The following ETV5 variants were observed in gnomAD, a reference collection of about 807,000 sequenced individuals.
ETV5 encodes ETS translocation variant 5.
A neutral mutation model predicts 70.0 loss-of-function variants in ETV5; 10 were observed. That is an observed-to-expected ratio of 0.14 (90% CI 0.09 to 0.24). The LOEUF is 0.24. ETV5 is among the 10% of genes least tolerant of loss of function. ETV5 has a pLI of 1.00. For missense variants in ETV5, 453 were observed against 651.2 expected (o/e 0.70, Z 3.31); for synonymous variants, 216 against 242.2 (o/e 0.89, Z 1.01).
chr3:186,064,565 C>A, intron 8 of ETV5, 89 bp from the exon 9 acceptor site: 1 of 1,301,536 alleles, frequency 7.7e-7, no homozygotes, highest in Non-Finnish European at 1.1e-6. Flanking sequence ...TGTGGTAAAG[C>A]CCCTAAACTT....
At chr3:186,092,128 G>A (rs567162676) in intron 5 of ETV5, among the ~76,000 whole-genome samples, 16 of 152,192 alleles carry the variant, frequency 1.1e-4, no homozygotes, top group Non-Finnish European at 2.4e-4. Context: ...ACTATCTCCA[G>A]AAAGCCCACT....
chr3:186,057,909 T>C lies in ETV5; in HGVS notation c.971-418A>G, dbSNP rs1009809016. ...CATTTTCCTTTTAGCTAAAATTAATTTCAACCTTTCCTACTAACTCATCCA... is the reference window on the plus strand; with the variant it reads ...CATTTTCCTTTTAGCTAAAATTAATCTCAACCTTTCCTACTAACTCATCCA... On this transcript the variant is annotated intron_variant, in intron 9 of 12. Coordinates refer to ENST00000306376, the MANE Select transcript of ETV5 (RefSeq NM_004454.3). This position sits in a 1 kb window ranked among gnomAD's most constrained non-coding sequence, Gnocchi z 4.9. Among the ~76,000 whole-genome samples the C allele has an allele frequency of 3.3e-5, 5 of 152,206 alleles. No homozygotes were observed. Among genetic ancestry groups the C allele is most frequent in the African/African-American group, 1.2e-4 (5 of 41,446 alleles).
In ETV5 at chr3:186,054,258, ATCTT is replaced by A. The variant is rs1713103912; in HGVS notation, c.1210-2131_1210-2128del. 6.6e-6 allele frequency among the ~76,000 whole-genome samples: 1 copy of A among 152,164 alleles called. No individual in the cohort carries two copies. The highest frequency in any genetic ancestry group is 6.5e-5 in the Admixed American group (1 of 15,278). ...GAGGCAGGCAATAGCTTGTCATCAG[ATCTT>A]TCTTCTCTCTCATTAGTTACTTTGG... On this transcript the variant is annotated intron_variant, in intron 11 of 12. Transcript: ENST00000306376. The surrounding 1 kb of genome is among the most constrained non-coding windows in gnomAD (Gnocchi z 4.4).
intron 5 of ETV5, among the ~76,000 whole-genome samples, chr3:186,087,524 C>T (rs934354273): frequency 2.6e-5 from 4 of 152,172 alleles, no homozygotes; most frequent in Admixed American, 6.5e-5. Context: ...CATCAAATAG[C>T]ACCACAGAGT....
At chr3:186,070,711 C>G (rs1436907029) in intron 7 of ETV5, among the ~76,000 whole-genome samples, 1 of 152,256 alleles carries the variant, frequency 6.6e-6, no homozygotes, top group Non-Finnish European at 1.5e-5. Flanking sequence ...ACTTTACTCA[C>G]TGACCTTCAC....
In ETV5 at chr3:186,048,792, C is replaced by T. The variant is rs775348760; in HGVS notation, c.1380G>A (p.Pro460=). 9.9e-6 allele frequency: 16 copies of T among 1,613,960 alleles called. No homozygotes were observed. The highest frequency in any genetic ancestry group is 6.6e-5 in the South Asian group (6 of 91,078). ...DPDALFSMAF[P]DNQRPFLKAE... is the part of the protein sequence containing the mutation. ...CCTTCAGGAACGGACGCTGGTTATC[C>T]GGGAAAGCCATGGAGAAGAGGGCAT... is the stretch of plus-strand genomic sequence containing the variant. The change falls in exon 13 of 13, where the codon CCG becomes CCA. Residue 460 remains proline (P), a synonymous_variant. Transcript: ENST00000306376.
intron 5 of ETV5, among the ~76,000 whole-genome samples, chr3:186,091,642 G>A (rs1165001982): frequency 6.6e-6 from 1 of 152,188 alleles, no homozygotes; most frequent in African/African-American, 2.4e-5. Flanking sequence ...TCAGGAACTG[G>A]TGTGTGGACA....
rs1205730921 is a variant in ETV5, at chr3:186,081,050, A to C, written c.358T>G (p.Tyr120Asp). Residue 120 changes from tyrosine (Y) to aspartate (D), a missense_variant, in exon 6 of 13, where the codon TAT becomes GAT. Coordinates refer to ENST00000306376, the MANE Select transcript of ETV5 (RefSeq NM_004454.3). ...CGACTCCTCTTGCCCACTCACCAAT[A>C]GTTGTAGAGGCACTTTTCTCCATAG... ...ANYGEKCLYN[Y>D]CAYDRKPPSG... 4.4e-6 allele frequency: 7 copies of C among 1,608,930 alleles called. No individual in the cohort carries two copies. The highest frequency in any genetic ancestry group is 5.9e-6 in the Non-Finnish European group (7 of 1,177,262).
intron 5 of ETV5, among the ~76,000 whole-genome samples, chr3:186,082,458 T>C (rs1373260887): frequency 1.3e-5 from 2 of 151,178 alleles, no homozygotes; most frequent in African/African-American, 4.9e-5. Flanking sequence ...GACGGAGTCT[T>C]ACTCTGTCGC....
In ETV5 at chr3:186,075,359, G is replaced by T. The variant is rs375139345; in HGVS notation, c.650+4458C>A. On this transcript the variant is annotated intron_variant, in intron 7 of 12. Coordinates refer to ENST00000306376, the MANE Select transcript of ETV5 (RefSeq NM_004454.3). ...GGCCAGGCTACAAATGTGACTTACA[G>T]TCAAGTTCATTCCTCTCTAAAAATT... 1.9e-4 allele frequency among the ~76,000 whole-genome samples: 29 copies of T among 152,288 alleles called. No individual in the cohort carries two copies. The South Asian group carries it at 5.2e-3, about 27-fold the overall frequency.
At chr3:186,085,551 C>G (rs1714037808) in intron 5 of ETV5, among the ~76,000 whole-genome samples, 1 of 150,626 alleles carries the variant, frequency 6.6e-6, no homozygotes, top group East Asian at 2.0e-4. Flanking sequence ...CCTTGTTGCC[C>G]AGGCTGGAGT....
At position 186,048,870 on chromosome 3, in the gene ETV5, A is replaced by C. The variant is rs892465609; in HGVS notation, c.1312-10T>G. 6.2e-6 allele frequency: 10 copies of C among 1,610,872 alleles called. No homozygotes were observed. In the Admixed American group the frequency reaches 8.4e-5, roughly 13 times the overall value. On this transcript the variant is annotated splice_polypyrimidine_tract_variant and intron_variant, in intron 12 of 12. Transcript: ENST00000306376. ...ATCGCTCTCCAGCCACCTGCGGGAG[A>C]ACACACACCTTACAGGGCCCAGTTG...
chr3:186,046,319 G>C lies in ETV5; in HGVS notation c.*2320C>G, dbSNP rs979101328. On this transcript the variant is annotated 3_prime_UTR_variant, in exon 13 of 13. Transcript: ENST00000306376. Reference sequence around the variant, plus strand: ...AAGAAAGAGGCAGGTTCGGGTGCTTGGTAAACGAAAAGCAAACTTCTTTAT... The same window carrying C: ...AAGAAAGAGGCAGGTTCGGGTGCTTCGTAAACGAAAAGCAAACTTCTTTAT... 1 of 206,958 alleles carries C rather than the reference G, an allele frequency of 4.8e-6. No individual in the cohort carries two copies. The highest frequency in any genetic ancestry group is 2.3e-5 in the African/African-American group (1 of 43,782). The allele number at this position is 206,958 out of a possible 1,614,324, so 12.8% of individuals were successfully genotyped here. A position where few individuals can be genotyped will look rare whatever the true frequency, so the allele number is the denominator to read the frequency against.
At position 186,105,515 on chromosome 3, in the gene ETV5, A is replaced by T. The variant is rs1209412685; in HGVS notation, c.134-19T>A. On this transcript the variant is annotated intron_variant, in intron 3 of 12. Coordinates refer to ENST00000306376, the MANE Select transcript of ETV5 (RefSeq NM_004454.3). This position sits in a 1 kb window ranked among gnomAD's most constrained non-coding sequence, Gnocchi z 4.5. ...AATAGCTCTGAAATTGAAAAAGAAG[A>T]CCCCAGAATGAGGATATTTCTTTCG... 1 of 1,613,974 alleles carries T rather than the reference A, an allele frequency of 6.2e-7. No individual in the cohort carries two copies.
intron 5 of ETV5, among the ~76,000 whole-genome samples, chr3:186,102,636 C>CAA (rs35154225): frequency 1.9e-4 from 17 of 91,786 alleles, no homozygotes; most frequent in African/African-American, 5.5e-4. Context: ...ACTCTCTCTC[C>CAA]AAAAAAAAAA....
rs1053020442 is a variant in ETV5 at position 186,057,814 on chromosome 3, C to G, written c.971-323G>C. Among the ~76,000 whole-genome samples the G allele has an allele frequency of 6.6e-6, 1 of 152,222 alleles. No individual in the cohort carries two copies. Among genetic ancestry groups the G allele is most frequent in the Non-Finnish European group, 1.5e-5 (1 of 68,038 alleles). The stretch of plus-strand genomic sequence containing the variant: ...CAATGTTGCTCTGACTAAGCCTTTA[C>G]AGCTGGAAACACATCTCTATTTCAG... On this transcript the variant is annotated intron_variant, in intron 9 of 12. Coordinates refer to ENST00000306376, the MANE Select transcript of ETV5 (RefSeq NM_004454.3). This position sits in a 1 kb window ranked among gnomAD's most constrained non-coding sequence, Gnocchi z 4.9.
chr3:186,099,654 T>C (rs1282700584), intron 5 of ETV5, among the ~76,000 whole-genome samples: 1 of 151,978 alleles, frequency 6.6e-6, no homozygotes, highest in Non-Finnish European at 1.5e-5. Context: ...AGGGCTGAAA[T>C]TAAAACAATG....
rs1318428897 is a variant in ETV5 at position 186,108,933 on chromosome 3, C to T, written c.-75+7G>A. ...ATCTCCCCCCTGCCCCCGCAAAGCC[C>T]CCTCACCTGAGGCGGCCTCTCTCCT... On this transcript the variant is annotated splice_region_variant and intron_variant, in intron 1 of 12. Coordinates refer to ENST00000306376, the MANE Select transcript of ETV5 (RefSeq NM_004454.3). 6.1e-6 allele frequency: 1 copy of T among 164,148 alleles called. No individual in the cohort carries two copies. Among genetic ancestry groups the T allele is most frequent in the African/African-American group, 2.4e-5 (1 of 41,494 alleles). The allele number at this position is 164,148 out of a possible 1,614,324, so 10.2% of individuals were successfully genotyped here. A position where few individuals can be genotyped will look rare whatever the true frequency, so the allele number is the denominator to read the frequency against.
At chr3:186,093,896 T>A (rs1464316365) in intron 5 of ETV5, among the ~76,000 whole-genome samples, 1 of 152,232 alleles carries the variant, frequency 6.6e-6, no homozygotes, top group Non-Finnish European at 1.5e-5. Context: ...GGCTGAAAGC[T>A]GCTCCCACTC....
Sources: gnomAD v4.1 joint callset for allele counts (sites outside exome capture counted in the v4.1 genomes callset) on GRCh38, gnomAD v4.1.1 for gene constraint, Gnocchi (gnomAD v3.1) non-coding constraint, MANE v1.5 for transcripts, NCBI Gene and HGNC (gene_info 2026-07-23, HGNC 2026-07-21) for gene names.